RNF13: variants seen among roughly 807,000 people sequenced by gnomAD.
The protein encoded by RNF13 is E3 ubiquitin-protein ligase RNF13.
RNF13 carries 19 observed loss-of-function variants against 37.7 expected under a neutral mutation model. The observed-to-expected ratio is 0.50, with a 90% CI of 0.35 to 0.74. The LOEUF is 0.74. Among genes scored for constraint, RNF13 ranks in the 30% least tolerant of loss-of-function variants. The pLI is 0.01. For missense variants in RNF13, 375 were observed against 453.0 expected, an observed-to-expected ratio of 0.83 and a Z score of 1.56; for synonymous variants, 144 against 157.8, an observed-to-expected ratio of 0.91 and a Z score of 0.65.
intron 3 of RNF13, among the ~76,000 whole-genome samples, chr3:149,853,491 A>AGAGAGAGAGAAT (rs1723339529): frequency 6.7e-6 from 1 of 148,606 alleles, no homozygotes; most frequent in East Asian, 1.9e-4. Flanking sequence ...AGAGAGAGAG[A>AGAGAGAGAGAAT]GAGAGAGAGA....
intron 8 of RNF13, among the ~76,000 whole-genome samples, chr3:149,930,497 T>A (rs981593168): frequency 1.3e-5 from 2 of 152,220 alleles, no homozygotes; most frequent in African/African-American, 4.8e-5. Flanking sequence ...ATCATCTATG[T>A]TCATGGTAGT....
chr3:149,941,911 A>ATTTATTTATTTATTTATTTG (rs1401332688), intron 8 of RNF13, among the ~76,000 whole-genome samples: 3 of 151,108 alleles, frequency 2.0e-5, no homozygotes, highest in Admixed American at 6.6e-5. Context: ...TTATTTATTT[A>ATTTATTTATTTATTTATTTG]TTTATTTAGG....
intron 8 of RNF13, among the ~76,000 whole-genome samples, chr3:149,955,769 CTT>C (rs1189689921): frequency 6.6e-6 from 1 of 152,096 alleles, no homozygotes; most frequent in East Asian, 1.9e-4. Context: ...TCTTCAATCT[CTT>C]TTATCTTTTA....
chr3:149,820,946 G>A (rs981311767), intron 1 of RNF13, among the ~76,000 whole-genome samples: 1 of 152,116 alleles, frequency 6.6e-6, no homozygotes, highest in East Asian at 1.9e-4. Flanking sequence ...ATGTTTTCAA[G>A]GTTTACCCAC....
rs1021256340 is a variant in RNF13 at position 149,893,316 on chromosome 3, A to G, written c.322-2157A>G. Among the ~76,000 whole-genome samples, 5 of 152,342 alleles carry G rather than the reference A, an allele frequency of 3.3e-5. No homozygotes were observed. The South Asian group carries it at 6.2e-4, about 19-fold the overall frequency. ...GTTAAATTATGTAATTTCAATGACT[A>G]TGTGCTTTGGTTGGCTTTAAAAAGA... On this transcript the variant is annotated intron_variant, in intron 4 of 9. Transcript: ENST00000392894.
intron 8 of RNF13, among the ~76,000 whole-genome samples, chr3:149,949,900 T>C (rs1721145917): frequency 6.6e-6 from 1 of 152,096 alleles, no homozygotes; most frequent in Non-Finnish European, 1.5e-5. Flanking sequence ...CTTTTCTCTT[T>C]TAATTTTCTT....
chr3:149,881,541 G>C (rs7429188), intron 4 of RNF13, among the ~76,000 whole-genome samples: 11,749 of 152,094 alleles, frequency 0.077, 494 homozygotes, highest in Middle Eastern at 0.099. Flanking sequence ...ACGTTGTCCA[G>C]GCTGGCCTCG....
chr3:149,832,171 A>G (rs2108340896), intron 1 of RNF13, among the ~76,000 whole-genome samples: 1 of 152,318 alleles, frequency 6.6e-6, no homozygotes, highest in South Asian at 2.1e-4. Context: ...AAAGATAACA[A>G]TTCTTTTAGT....
At chr3:149,822,247 T>G (rs2108315679) in intron 1 of RNF13, among the ~76,000 whole-genome samples, 1 of 152,300 alleles carries the variant, frequency 6.6e-6, no homozygotes, top group East Asian at 1.9e-4. Flanking sequence ...TATTGCCATC[T>G]TAATAATGTT....
In RNF13 at chr3:149,899,410, C is replaced by T. The variant is rs532090752; in HGVS notation, c.410-2662C>T. On this transcript the variant is annotated intron_variant, in intron 5 of 9. Coordinates refer to ENST00000392894, the MANE Select transcript of RNF13 (RefSeq NM_183381.3). ...GGTGCAGTGAGCCGAGATCGTGCCA[C>T]TGCACTCCAGCCTGGGCAACAGAGC... 2.0e-5 allele frequency among the ~76,000 whole-genome samples: 3 copies of T among 152,282 alleles called. No homozygotes were observed. The South Asian group carries it at 6.2e-4, about 32-fold the overall frequency.
At chr3:149,836,434 A>G (rs76489969) in intron 1 of RNF13, among the ~76,000 whole-genome samples, 7,596 of 151,888 alleles carry the variant, frequency 0.05, 311 homozygotes, top group East Asian at 0.2. Context: ...GGCTATATGT[A>G]TATATATATA....
chr3:149,960,240 C>A, intron 9 of RNF13, 104 bp downstream of exon 9: 2 of 780,564 alleles, frequency 2.6e-6, no homozygotes, highest in Non-Finnish European at 2.2e-6. Context: ...ACACCAGAAG[C>A]CAGGCCCTGT....
In RNF13 at chr3:149,961,755, T is replaced by C. The variant is rs1028617625; in HGVS notation, c.*651T>C. 1.3e-5 allele frequency: 2 copies of C among 156,076 alleles called. No individual in the cohort carries two copies. The highest frequency in any genetic ancestry group is 2.4e-5 in the African/African-American group (1 of 41,462). 9.7% of individuals were successfully genotyped at this position (156,076 alleles called of 1,614,324 possible). A position where few individuals can be genotyped will look rare whatever the true frequency, so the allele number is the denominator to read the frequency against. ...TTGAGCAGCTAATGTTTCTGAACTT[T>C]ACTTACTAATTTTCAGTGTCCTTAA... On this transcript the variant is annotated 3_prime_UTR_variant, in exon 10 of 10. Transcript: ENST00000392894.
rs531565896 is a variant in RNF13 at position 149,831,027 on chromosome 3, G to A, written c.-16-14984G>A. On this transcript the variant is annotated intron_variant, in intron 1 of 9. Transcript: ENST00000392894. ...GCAAGGTGCACAGAAGTCCAGAACT[G>A]AGGTTTGGGAATCTTCATTTAGAAT... Among the ~76,000 whole-genome samples, 22 of 152,386 alleles carry A rather than the reference G, an allele frequency of 1.4e-4. No homozygotes were observed. In the Middle Eastern group the frequency reaches 0.01, roughly 71 times the overall value.
At chr3:149,953,724 AT>A (rs944328336) in intron 8 of RNF13, among the ~76,000 whole-genome samples, 2 of 152,170 alleles carry the variant, frequency 1.3e-5, no homozygotes, top group African/African-American at 4.8e-5. Flanking sequence ...TGGATCCCCC[AT>A]TTATTGGCTG....
intron 3 of RNF13, among the ~76,000 whole-genome samples, chr3:149,856,908 C>T (rs922096165): frequency 4.6e-5 from 7 of 152,096 alleles, no homozygotes; most frequent in African/African-American, 9.7e-5. Context: ...CCACTACGCA[C>T]GGCTAATTTT....
intron 4 of RNF13, among the ~76,000 whole-genome samples, chr3:149,878,405 C>T (rs182705030): frequency 1.7e-4 from 26 of 152,264 alleles, no homozygotes; most frequent in Admixed American, 7.2e-4. Flanking sequence ...ATACTCTCTT[C>T]TGAGGAGTAG....
At chr3:149,877,356 T>G (rs1712840702) in intron 4 of RNF13, among the ~76,000 whole-genome samples, 1 of 152,178 alleles carries the variant, frequency 6.6e-6, no homozygotes, top group East Asian at 1.9e-4. Flanking sequence ...GCCTAGATAT[T>G]TATTTATCCC....
At chr3:149,919,040 T>G (rs1046947712) in intron 7 of RNF13, among the ~76,000 whole-genome samples, 1 of 152,190 alleles carries the variant, frequency 6.6e-6, no homozygotes, top group Non-Finnish European at 1.5e-5. Flanking sequence ...TGTATTTTCT[T>G]CTGTGTAAAT....
Sources: gnomAD v4.1 joint callset for allele counts (sites outside exome capture counted in the v4.1 genomes callset) on GRCh38, gnomAD v4.1.1 for gene constraint, MANE v1.5 for transcripts, NCBI Gene and HGNC (gene_info 2026-07-23, HGNC 2026-07-21) for gene names.